The following EBF1 variants were observed in gnomAD, a reference collection of about 807,000 sequenced individuals.
EBF1 encodes transcription factor COE1.
Under a neutral mutation model 68.4 loss-of-function variants are expected in EBF1, and 10 were observed. The observed-to-expected ratio is 0.15, with a 90% CI of 0.09 to 0.25. The LOEUF (loss-of-function observed/expected upper bound fraction) is 0.25. Ranked by LOEUF, EBF1 falls within the 10% of genes least tolerant of loss-of-function variation. EBF1 has a pLI of 1.00. For missense variants in EBF1, 509 were observed against 794.4 expected (o/e 0.64, Z 4.32); for synonymous variants, 298 against 299.8 (o/e 0.99, Z 0.06).
intron 6 of EBF1, among the ~76,000 whole-genome samples, chr5:158,920,240 G>A (rs1808119087): frequency 1.3e-5 from 2 of 152,146 alleles, no homozygotes; most frequent in Non-Finnish European, 2.9e-5. Context: ...TCATGATTGA[G>A]GTGAGGATGC....
chr5:158,912,594 C>T (rs1191762138), intron 6 of EBF1, among the ~76,000 whole-genome samples: 2 of 152,160 alleles, frequency 1.3e-5, no homozygotes, highest in African/African-American at 4.8e-5. Flanking sequence ...ATTTTAACTA[C>T]TCTCAGGCGA....
intron 6 of EBF1, among the ~76,000 whole-genome samples, chr5:159,032,923 C>G (rs1361940555): frequency 6.6e-6 from 1 of 152,058 alleles, no homozygotes; most frequent in East Asian, 1.9e-4. Flanking sequence ...GAAAGCAAGA[C>G]TTAAAACCTT....
chr5:158,958,565 A>G (rs1419614800), intron 6 of EBF1, among the ~76,000 whole-genome samples: 1 of 152,164 alleles, frequency 6.6e-6, no homozygotes. Flanking sequence ...GCATCAAGGC[A>G]AAAGCAGCAT....
At chr5:158,835,818 G>T (rs1788650772) in intron 7 of EBF1, among the ~76,000 whole-genome samples, 1 of 151,994 alleles carries the variant, frequency 6.6e-6, no homozygotes, top group African/African-American at 2.4e-5. Context: ...TTTAAAAATG[G>T]GAATAATCCA....
chr5:158,839,372 T>G, intron 7 of EBF1, among the ~76,000 whole-genome samples: 1 of 152,104 alleles, frequency 6.6e-6, no homozygotes, highest in Non-Finnish European at 1.5e-5. Context: ...TGTTTTTTGT[T>G]TGTTTGTTTG....
At chr5:158,731,033 A>G (rs1023139441) in intron 11 of EBF1, 36 bp downstream of exon 11, 2 of 1,596,182 alleles carry the variant, frequency 1.3e-6, no homozygotes, top group African/African-American at 1.3e-5. Context: ...GCTCAAGTCC[A>G]AATTTTCAGG....
chr5:158,995,339 T>C (rs1291389543), intron 6 of EBF1, among the ~76,000 whole-genome samples: 3 of 152,206 alleles, frequency 2.0e-5, no homozygotes, highest in Non-Finnish European at 4.4e-5. Flanking sequence ...AATGGTTTCA[T>C]GTGGAATAGT....
At chr5:159,022,980 T>G (rs751107906) in intron 6 of EBF1, among the ~76,000 whole-genome samples, 8 of 152,204 alleles carry the variant, frequency 5.3e-5, no homozygotes, top group Non-Finnish European at 7.3e-5. Flanking sequence ...TAAATGATTA[T>G]ATTAATATTT....
chr5:158,854,316 A>T (rs1387853559), intron 6 of EBF1, among the ~76,000 whole-genome samples: 1 of 152,230 alleles, frequency 6.6e-6, no homozygotes, highest in Non-Finnish European at 1.5e-5. Flanking sequence ...AAAAACAAAC[A>T]TAGTTCTTGC....
chr5:158,991,718 T>C (rs1760362533), intron 6 of EBF1, among the ~76,000 whole-genome samples: 1 of 152,226 alleles, frequency 6.6e-6, no homozygotes, highest in Non-Finnish European at 1.5e-5. Context: ...GTCATTAGGT[T>C]TTTGTTTAAA....
chr5:159,018,082 TTC>T (rs1765959856), intron 6 of EBF1, among the ~76,000 whole-genome samples: 1 of 150,148 alleles, frequency 6.7e-6, no homozygotes. Flanking sequence ...CCACCCCCTC[TTC>T]TCTCTCTCCC....
At chr5:158,867,509 C>T (rs1463783603) in intron 6 of EBF1, among the ~76,000 whole-genome samples, 1 of 152,082 alleles carries the variant, frequency 6.6e-6, no homozygotes, top group Non-Finnish European at 1.5e-5. Context: ...ACTACAGAGA[C>T]ACTTTGGGTC....
At chr5:158,988,798 C>T (rs1759673921) in intron 6 of EBF1, among the ~76,000 whole-genome samples, 1 of 152,204 alleles carries the variant, frequency 6.6e-6, no homozygotes, top group Admixed American at 6.5e-5. Context: ...AAATATTTTG[C>T]TCCTTTTCTC....
At chr5:159,032,634 CAG>C (rs1769149503) in intron 6 of EBF1, among the ~76,000 whole-genome samples, 1 of 152,184 alleles carries the variant, frequency 6.6e-6, no homozygotes, top group African/African-American at 2.4e-5. Flanking sequence ...AAACATAAAC[CAG>C]AGTCTGTCTG....
At chr5:158,786,366 T>G (rs1435651114) in intron 9 of EBF1, among the ~76,000 whole-genome samples, 1 of 152,210 alleles carries the variant, frequency 6.6e-6, no homozygotes, top group Non-Finnish European at 1.5e-5. Context: ...AAATACATTA[T>G]GCTTCCACTA....
chr5:158,707,003 G>A (rs978574635), intron 15 of EBF1, among the ~76,000 whole-genome samples: 2 of 152,210 alleles, frequency 1.3e-5, no homozygotes, highest in African/African-American at 4.8e-5. Flanking sequence ...CCCTGGCTAT[G>A]TCTCTTTTAG....
chr5:158,948,976 TTATCACCCTGCAATGGTAAAAGGCA>T (rs1815426631), intron 6 of EBF1, among the ~76,000 whole-genome samples: 1 of 152,208 alleles, frequency 6.6e-6, no homozygotes, highest in South Asian at 2.1e-4. Context: ...TCATGGCATT[TTATCACCCTGCAATGGTAAAAGGCA>T]CATTTGCAAC....
chr5:158,973,649 G>A (rs944040013), intron 6 of EBF1, among the ~76,000 whole-genome samples: 1 of 152,238 alleles, frequency 6.6e-6, no homozygotes, highest in Non-Finnish European at 1.5e-5. Context: ...TTCCATGGGA[G>A]CAGGACCCTA....
At chr5:158,897,757 G>T (rs528005613) in intron 6 of EBF1, among the ~76,000 whole-genome samples, 1 of 152,294 alleles carries the variant, frequency 6.6e-6, no homozygotes, top group South Asian at 2.1e-4. Flanking sequence ...TTCAAGTTGT[G>T]CCACTGCCCC....
Sources: allele counts gnomAD v4.1 joint callset (sites outside exome capture counted in the v4.1 genomes callset), GRCh38; gene constraint gnomAD v4.1.1; transcripts MANE v1.5; gene names NCBI Gene and HGNC (gene_info 2026-07-23, HGNC 2026-07-21).